Variants in CUBN observed in about 807,000 individuals in gnomAD.
CUBN encodes cubilin, also known as 460 kDa receptor.
A neutral mutation model predicts 405.3 loss-of-function variants in CUBN; 282 were observed. The observed-to-expected ratio is 0.70, with a 90% CI of 0.63 to 0.77. The LOEUF is 0.77. Ranked by LOEUF, CUBN falls within the 30% of genes least tolerant of loss-of-function variation. The probability of loss-of-function intolerance (pLI) is 0.00; values close to 1 mark genes in which losing one functional copy is unlikely to be tolerated. For synonymous variants in CUBN, 1,684 were observed against 1,617.0 expected, an observed-to-expected ratio of 1.04 and a Z score of -0.99; for missense variants, 4,514 against 4,475.2, an observed-to-expected ratio of 1.01 and a Z score of -0.25.
At chr10:16,825,130 A>T in intron 66 of CUBN, 48 bp from the exon 67 acceptor site, 1 of 1,375,390 alleles carries the variant, frequency 7.3e-7, no homozygotes. Flanking sequence ...ACATATTTGA[A>T]CGTTTTTCTA....
chr10:17,014,499 A>G (rs1834275022), intron 28 of CUBN, among the ~76,000 whole-genome samples: 2 of 152,046 alleles, frequency 1.3e-5, no homozygotes, highest in African/African-American at 2.4e-5. Context: ...AACCCCCACA[A>G]CTGTTTTAAT....
At chr10:16,929,633 T>C (rs534484772) in intron 40 of CUBN, among the ~76,000 whole-genome samples, 48 of 152,314 alleles carry the variant, frequency 3.2e-4, no homozygotes, top group African/African-American at 1.2e-3. Flanking sequence ...AATGGCATTC[T>C]TTGGAGGGTT....
intron 22 of CUBN, among the ~76,000 whole-genome samples, chr10:17,047,846 C>A (rs1367581801): frequency 1.3e-5 from 2 of 152,008 alleles, no homozygotes; most frequent in Non-Finnish European, 2.9e-5. Flanking sequence ...GTAAACAACC[C>A]TTTAAGTCTT....
intron 4 of CUBN, among the ~76,000 whole-genome samples, chr10:17,126,075 G>A (rs1837176278): frequency 6.6e-6 from 1 of 152,094 alleles, no homozygotes; most frequent in Non-Finnish European, 1.5e-5. Context: ...CTTGAAGCAT[G>A]AGCAAAACAG....
At chr10:17,113,382 C>A (rs967731599) in intron 8 of CUBN, among the ~76,000 whole-genome samples, 1 of 151,922 alleles carries the variant, frequency 6.6e-6, no homozygotes, top group African/African-American at 2.4e-5. Flanking sequence ...TAATTGCCTA[C>A]CAATGCACCC....
intron 56 of CUBN, among the ~76,000 whole-genome samples, chr10:16,886,928 AC>A (rs1451724943): frequency 6.6e-6 from 1 of 152,168 alleles, no homozygotes; most frequent in Non-Finnish European, 1.5e-5. Context: ...AGCTGGGATT[AC>A]AGGCATGTGC....
At chr10:17,033,679 G>A (rs1834830042) in intron 27 of CUBN, among the ~76,000 whole-genome samples, 1 of 152,214 alleles carries the variant, frequency 6.6e-6, no homozygotes, top group South Asian at 2.1e-4. Flanking sequence ...GGCAGAGACA[G>A]TTATGTGGCT....
chr10:16,966,517 C>T (rs1188737455), intron 31 of CUBN, among the ~76,000 whole-genome samples: 2 of 151,818 alleles, frequency 1.3e-5, no homozygotes, highest in South Asian at 2.1e-4. Flanking sequence ...GGTGCAATCT[C>T]GGCTCACTGT....
intron 59 of CUBN, among the ~76,000 whole-genome samples, chr10:16,861,600 TA>T (rs796156920): frequency 0.037 from 5,501 of 147,398 alleles, 332 homozygotes; most frequent in African/African-American, 0.13. Context: ...TTTTTACAGA[TA>T]AAAAAAAAAA....
At chr10:17,042,926 A>C (rs1835048942) in intron 26 of CUBN, among the ~76,000 whole-genome samples, 1 of 152,168 alleles carries the variant, frequency 6.6e-6, no homozygotes, top group Non-Finnish European at 1.5e-5. Context: ...GGAAAAGATA[A>C]TTGTGTAAAA....
At chr10:17,067,477 C>T (rs1404713928) in intron 21 of CUBN, among the ~76,000 whole-genome samples, 1 of 151,994 alleles carries the variant, frequency 6.6e-6, no homozygotes, top group African/African-American at 2.4e-5. Context: ...ACACAGAGAA[C>T]AGAGGCTTGA....
chr10:16,860,162 T>C (rs118132022), intron 59 of CUBN, among the ~76,000 whole-genome samples: 1 of 152,150 alleles, frequency 6.6e-6, no homozygotes, highest in Non-Finnish European at 1.5e-5. Context: ...AAAACACAAA[T>C]AGTACAAAGG....
In CUBN at chr10:17,045,008, G is replaced by A; in HGVS notation, c.3671C>T (p.Ala1224Val). 6.2e-7 allele frequency: 1 copy of A among 1,613,520 alleles called. No individual in the cohort carries two copies. The highest frequency in any genetic ancestry group is 8.5e-7 in the Non-Finnish European group (1 of 1,179,508). ...ATATGATGGAAACATTATACATACA[G>A]CCAGGTAATCTAAAGTGCAGTTTGG... ...HHPNCTLDYLAVYDGPSSNSH... is the reference protein window; with the variant it reads ...HHPNCTLDYLVVYDGPSSNSH... The change falls in exon 25 of 67, where the codon GCT becomes GTT. Residue 1224 changes from alanine (A) to valine (V), a missense_variant and splice_region_variant. Physicochemically the swap from Ala to Val is moderately conservative, Grantham distance 64. Around this residue, in one of 5 missense-constraint regions of CUBN, gnomAD observed 242 missense variants for 309.0 expected, o/e 0.78. Coordinates refer to ENST00000377833, the MANE Select transcript of CUBN (RefSeq NM_001081.4).
At position 16,824,217 on chromosome 10, in the gene CUBN, T is replaced by A. The variant is rs1326345896; in HGVS notation, c.*758A>T. On this transcript the variant is annotated 3_prime_UTR_variant, in exon 67 of 67. Transcript: ENST00000377833. ...ACGGGTGCATGCCACCATGCCTGGC[T>A]AATTTTTTGATTTTTTGTAAAAATC... 6.6e-6 allele frequency: 1 copy of A among 151,998 alleles called. No homozygotes were observed. The allele number at this position is 151,998 out of a possible 1,614,324, so 9.4% of individuals were successfully genotyped here.
At chr10:17,080,344 A>G (rs954347676) in intron 17 of CUBN, among the ~76,000 whole-genome samples, 2 of 152,212 alleles carry the variant, frequency 1.3e-5, no homozygotes, top group Admixed American at 6.5e-5. Context: ...AATATGATGA[A>G]TTAGGGTTCA....
chr10:16,963,201 T>C (rs4748332), intron 31 of CUBN, among the ~76,000 whole-genome samples: 2 of 129,764 alleles, frequency 1.5e-5, no homozygotes, highest in East Asian at 4.2e-4. Context: ...TTTTTCTTTT[T>C]TTTTTTTTTT....
intron 14 of CUBN, among the ~76,000 whole-genome samples, chr10:17,089,537 C>T (rs1199814720): frequency 6.6e-6 from 1 of 152,066 alleles, no homozygotes; most frequent in East Asian, 1.9e-4. Context: ...CAAATAAAAC[C>T]TTAATTGAGA....
chr10:16,833,028 G>C (rs907524022), intron 64 of CUBN, among the ~76,000 whole-genome samples: 2 of 152,160 alleles, frequency 1.3e-5, no homozygotes, highest in Non-Finnish European at 2.9e-5. Flanking sequence ...ATGAAGGACA[G>C]CTAGGAGGAG....
chr10:17,020,877 A>T (rs764471899), intron 27 of CUBN, among the ~76,000 whole-genome samples: 5 of 152,214 alleles, frequency 3.3e-5, no homozygotes, highest in Non-Finnish European at 7.3e-5. Context: ...CTTTTAAAAG[A>T]TTCCTAGAAA....
Sources: allele counts gnomAD v4.1 joint callset (sites outside exome capture counted in the v4.1 genomes callset), GRCh38; gene constraint gnomAD v4.1.1; regional missense constraint gnomAD v4.1.1; transcripts MANE v1.5; gene names NCBI Gene and HGNC (gene_info 2026-07-23, HGNC 2026-07-21).